The following LPO variants were observed in gnomAD, a reference collection of about 807,000 sequenced individuals.
The protein encoded by LPO is lactoperoxidase.
LPO carries 70 observed loss-of-function variants against 68.4 expected under a neutral mutation model. The ratio of observed to expected loss-of-function variants is 1.02; its 90% CI spans 0.84 to 1.25. The LOEUF (loss-of-function observed/expected upper bound fraction) is 1.25, where lower values mean the gene tolerates loss of function less well. LPO is among the 50% of genes most tolerant of loss of function. The probability of loss-of-function intolerance (pLI) is 0.00; values close to 1 mark genes in which losing one functional copy is unlikely to be tolerated. For missense variants in LPO, 873 were observed against 908.4 expected (o/e 0.96, Z 0.50); for synonymous variants, 360 against 357.6 (o/e 1.01, Z -0.08).
At position 58,249,594 on chromosome 17, in the gene LPO, A is replaced by AG; in HGVS notation, c.475dup (p.Ala159GlyfsTer39). 6.2e-7 allele frequency: 1 copy of AG among 1,603,900 alleles called. No individual in the cohort carries two copies. Among genetic ancestry groups the AG allele is most frequent in the Non-Finnish European group, 8.5e-7 (1 of 1,179,190 alleles). Reference sequence around the variant, plus strand: ...GAAGCCTGCGCTGGGCGCCGCCAACAGGGCTCTGGCGCGCTGGCTGCCCGC... The same window carrying AG: ...GAAGCCTGCGCTGGGCGCCGCCAACAGGGGCTCTGGCGCGCTGGCTGCCCGC... On this transcript the variant is annotated frameshift_variant, in exon 6 of 13. Transcript: ENST00000262290. LOFTEE classifies it high-confidence loss of function.
chr17:58,265,087 T>C, intron 10 of LPO, 113 bp downstream of exon 10: 3 of 1,345,954 alleles, frequency 2.2e-6, no homozygotes, highest in Non-Finnish European at 3.0e-6. Context: ...CTTGGGCAAA[T>C]GAATTCACCT....
chr17:58,250,051 A>T (rs1299209171), intron 6 of LPO, among the ~76,000 whole-genome samples: 1 of 151,902 alleles, frequency 6.6e-6, no homozygotes, highest in Non-Finnish European at 1.5e-5. Flanking sequence ...GCCCCTACCC[A>T]GAGCCCCTCT....
chr17:58,249,477 G>T, intron 5 of LPO, 89 bp from the exon 6 acceptor site: 1 of 1,512,308 alleles, frequency 6.6e-7, no homozygotes, highest in South Asian at 1.3e-5. Context: ...CCTCCGCCTC[G>T]AGCAGAGGCT....
chr17:58,253,657 C>G (rs181428763), intron 8 of LPO, among the ~76,000 whole-genome samples: 1 of 152,306 alleles, frequency 6.6e-6, no homozygotes, highest in Admixed American at 6.5e-5. Context: ...AACCCCCTGG[C>G]CACCCTGACA....
chr17:58,244,405 T>C, intron 3 of LPO: 1 of 340,356 alleles, frequency 2.9e-6, no homozygotes, highest in Non-Finnish European at 5.4e-6. Flanking sequence ...TCAGTAAAAG[T>C]TCTTCATTCA....
intron 4 of LPO, 112 bp downstream of exon 4, chr17:58,247,750 C>G (rs995823456): frequency 1.9e-5 from 23 of 1,203,184 alleles, no homozygotes; most frequent in Non-Finnish European, 2.6e-5. Context: ...CTCAGAGGAA[C>G]ACTCCTGTCT....
At chr17:58,255,090 G>C in intron 9 of LPO, 119 bp downstream of exon 9, 1 of 992,152 alleles carries the variant, frequency 1.0e-6, no homozygotes, top group Non-Finnish European at 1.5e-6. Context: ...CGTTTCCCCC[G>C]GCCCCTCTGC....
chr17:58,266,275 T>G lies in LPO; in HGVS notation c.1642T>G (p.Phe548Val). ...LFQPTHRIHG[F>V]DLAAINTQRC... ...CCAGCCAACTCACAGGATCCATGGCTTTGACCTGGCTGCCATCAACACACA... is the reference window on the plus strand; with the variant it reads ...CCAGCCAACTCACAGGATCCATGGCGTTGACCTGGCTGCCATCAACACACA... The change falls in exon 11 of 13, where the codon TTT (phenylalanine) becomes GTT (valine). Residue 548 changes from phenylalanine to valine, a missense_variant. By Grantham distance (50) the Phe-to-Val change is conservative (BLOSUM62 -1). Transcript: ENST00000262290. 1 of 1,614,174 alleles carries G rather than the reference T, an allele frequency of 6.2e-7. No individual in the cohort carries two copies. The highest frequency in any genetic ancestry group is 2.2e-5 in the East Asian group (1 of 44,876).
At chr17:58,254,034 C>T (rs11652686) in intron 8 of LPO, among the ~76,000 whole-genome samples, 36,526 of 151,914 alleles carry the variant, frequency 0.24, 4,577 homozygotes, top group African/African-American at 0.3. Context: ...ATCACTTGAG[C>T]CCACGAGGTT....
intron 3 of LPO, among the ~76,000 whole-genome samples, chr17:58,246,580 C>A (rs1040422131): frequency 3.3e-5 from 5 of 152,134 alleles, no homozygotes; most frequent in African/African-American, 1.2e-4. Flanking sequence ...AGCCCAGGGC[C>A]GGGCGGGAAA....
intron 6 of LPO, among the ~76,000 whole-genome samples, chr17:58,250,012 TCCTATTTGTTGGCCTTATCGAGCTGGCAG>T (rs1267406315): frequency 2.0e-5 from 3 of 151,244 alleles, no homozygotes; most frequent in Admixed American, 2.0e-4. Context: ...TGCCTGGAGG[TCCTATTTGTTGGCCTTATCGAGCTGGCAG>T]CCCCTACCCA....
intron 3 of LPO, among the ~76,000 whole-genome samples, chr17:58,246,094 A>G (rs1277364112): frequency 6.6e-6 from 1 of 152,232 alleles, no homozygotes; most frequent in Non-Finnish European, 1.5e-5. Flanking sequence ...CTCTAGGCAC[A>G]GGGATCAGGG....
intron 6 of LPO, 146 bp from the exon 7 acceptor site, chr17:58,250,269 T>C (rs1320482342): frequency 1.5e-5 from 10 of 680,394 alleles, no homozygotes; most frequent in Non-Finnish European, 2.4e-5. Context: ...CTCTACAGAA[T>C]AGGCTAATGC....
chr17:58,267,245 G>A (rs1478031753), intron 11 of LPO, 104 bp from the exon 12 acceptor site: 5 of 821,614 alleles, frequency 6.1e-6, no homozygotes, highest in African/African-American at 1.7e-5. Flanking sequence ...AAGGCTGTAA[G>A]CCCAGACTTT....
chr17:58,241,328 C>T (rs974845475), intron 1 of LPO, among the ~76,000 whole-genome samples: 1 of 151,880 alleles, frequency 6.6e-6, no homozygotes, highest in Non-Finnish European at 1.5e-5. Flanking sequence ...CCAGGCTGGT[C>T]TCCAACCCCT....
intron 9 of LPO, among the ~76,000 whole-genome samples, chr17:58,264,287 T>C (rs1445391106): frequency 2.0e-5 from 3 of 152,246 alleles, no homozygotes; most frequent in African/African-American, 7.2e-5. Flanking sequence ...CTTTCCATTC[T>C]TCTGTATTTC....
intron 7 of LPO, 66 bp downstream of exon 7, chr17:58,250,687 A>G (rs969587934): frequency 2.6e-5 from 39 of 1,497,966 alleles, no homozygotes; most frequent in Non-Finnish European, 3.6e-5. Context: ...AGACATTCCC[A>G]GCTCATCAGC....
chr17:58,259,400 A>C (rs1162704930), intron 9 of LPO, among the ~76,000 whole-genome samples: 2 of 152,308 alleles, frequency 1.3e-5, no homozygotes, highest in Non-Finnish European at 1.5e-5. Flanking sequence ...ATATTTGGGC[A>C]TATTTACATG....
rs570047955 is a variant in LPO at position 58,243,994 on chromosome 17, C to A, written c.77C>A (p.Ala26Glu). Residue 26 changes from alanine to glutamate, a missense_variant and splice_region_variant, in exon 3 of 13, where the codon GCG becomes GAG. Physicochemically the swap from Ala to Glu is moderately radical, Grantham distance 107. Coordinates refer to ENST00000262290, the MANE Select transcript of LPO (RefSeq NM_006151.3). ...LLQAAASTTR[A>E]QTTRTSAISD... ...TCCTGCTCCCCACTCCAACCCCAAG[C>A]GCAGACTACCAGAACCTCTGCCATC... 4.3e-6 allele frequency: 7 copies of A among 1,612,852 alleles called. No homozygotes were observed. The highest frequency in any genetic ancestry group is 5.9e-6 in the Non-Finnish European group (7 of 1,178,990).
Sources: allele counts gnomAD v4.1 joint callset (sites outside exome capture counted in the v4.1 genomes callset), GRCh38; gene constraint gnomAD v4.1.1; transcripts MANE v1.5; gene names NCBI Gene and HGNC (gene_info 2026-07-23, HGNC 2026-07-21).